PCDH15: variants seen among roughly 807,000 people sequenced by gnomAD.
PCDH15 encodes protocadherin related 15, also known as protocadherin-15.
In PCDH15, 129 loss-of-function variants were observed where a neutral mutation model predicts 178.5. The observed-to-expected ratio is 0.72, with a 90% CI of 0.63 to 0.84. PCDH15 has a LOEUF of 0.84. Ranked by LOEUF, PCDH15 falls within the 40% of genes least tolerant of loss-of-function variation. The pLI, the probability that PCDH15 is intolerant of heterozygous loss-of-function variation, is 0.00. For synonymous variants in PCDH15, 800 were observed against 732.0 expected (o/e 1.09, Z -1.50); for missense variants, 2,230 against 2,099.9 (o/e 1.06, Z -1.21).
chr10:54,685,108 C>A (rs10763125), intron 1 of PCDH15, among the ~76,000 whole-genome samples: 78,144 of 151,554 alleles, frequency 0.52, 20,939 homozygotes, highest in Non-Finnish European at 0.6. Context: ...AGGCCTACAC[C>A]GGGTCAAGAT....
chr10:53,963,071 C>A (rs1285443197), intron 21 of PCDH15, among the ~76,000 whole-genome samples: 3 of 152,156 alleles, frequency 2.0e-5, no homozygotes, highest in South Asian at 2.1e-4. Flanking sequence ...AAGAACATTA[C>A]CCCCCACAGG....
intron 2 of PCDH15, among the ~76,000 whole-genome samples, chr10:55,446,311 G>GTA (rs144192137): frequency 0.059 from 8,848 of 149,114 alleles, 814 homozygotes; most frequent in African/African-American, 0.2. Flanking sequence ...ATAGATATGT[G>GTA]TATATATATA....
chr10:54,020,445 A>G (rs760473380), intron 19 of PCDH15, 29 bp from the exon 20 acceptor site: 1 of 1,599,218 alleles, frequency 6.3e-7, no homozygotes, highest in East Asian at 2.2e-5. Context: ...TAGTTTTATT[A>G]GTGACGTTAC....
chr10:55,541,279 G>A lies in PCDH15; in HGVS notation c.-156+86346C>T, dbSNP rs529532875. Reference sequence around the variant, plus strand: ...GAAAGAAAAAAAATAAAAGATCTAGGTATGTTGACTCTGGTGCCAACTATA... The same window carrying A: ...GAAAGAAAAAAAATAAAAGATCTAGATATGTTGACTCTGGTGCCAACTATA... On this transcript the variant is annotated intron_variant, in intron 2 of 5. Coordinates refer to the PCDH15 transcript ENST00000613346. 5.9e-5 allele frequency among the ~76,000 whole-genome samples: 9 copies of A among 152,030 alleles called. No homozygotes were observed. In the South Asian group the frequency reaches 1.9e-3, roughly 32 times the overall value.
intron 1 of PCDH15, among the ~76,000 whole-genome samples, chr10:54,689,576 T>C (rs2095078382): frequency 6.6e-6 from 1 of 152,212 alleles, no homozygotes; most frequent in Admixed American, 6.5e-5. Flanking sequence ...AGTGGATCAA[T>C]ATAACATATT....
At chr10:54,414,978 G>C (rs939881281) in intron 3 of PCDH15, among the ~76,000 whole-genome samples, 4 of 152,120 alleles carry the variant, frequency 2.6e-5, no homozygotes, top group South Asian at 2.1e-4. Flanking sequence ...GTAAGTATTT[G>C]CATCAATTGA....
At chr10:53,855,914 A>ATG (rs2078701150) in intron 28 of PCDH15, among the ~76,000 whole-genome samples, 1 of 138,878 alleles carries the variant, frequency 7.2e-6, no homozygotes, top group Admixed American at 7.4e-5. Flanking sequence ...GTATATATAT[A>ATG]TATATATGTA....
chr10:55,055,816 A>G (rs1030900081), intron 2 of PCDH15, among the ~76,000 whole-genome samples: 2 of 152,106 alleles, frequency 1.3e-5, no homozygotes, highest in Non-Finnish European at 2.9e-5. Flanking sequence ...CTCAAAAATC[A>G]ATAAATAAAA....
intron 2 of PCDH15, among the ~76,000 whole-genome samples, chr10:55,014,819 C>T (rs1454724553): frequency 6.6e-6 from 1 of 152,106 alleles, no homozygotes; most frequent in African/African-American, 2.4e-5. Context: ...ATTAGTCCTC[C>T]AAGCATCACA....
intron 2 of PCDH15, among the ~76,000 whole-genome samples, chr10:55,595,110 C>T (rs1842913545): frequency 6.6e-6 from 1 of 151,916 alleles, no homozygotes; most frequent in African/African-American, 2.4e-5. Context: ...ATTTTGTATG[C>T]TACGATAAGT....
chr10:54,416,811 G>C (rs1288255907), intron 3 of PCDH15, among the ~76,000 whole-genome samples: 1 of 152,134 alleles, frequency 6.6e-6, no homozygotes, highest in Non-Finnish European at 1.5e-5. Flanking sequence ...TTTAATAGTC[G>C]CTATTCTGAC....
At chr10:54,927,552 T>G (rs978157022) in intron 2 of PCDH15, among the ~76,000 whole-genome samples, 1 of 140,382 alleles carries the variant, frequency 7.1e-6, no homozygotes, top group African/African-American at 2.5e-5. Context: ...TCTTCTACTA[T>G]TATTGTGTGA....
rs2058756426 is a variant in PCDH15, at chr10:54,282,413, T to A, written c.876+34858A>T. On this transcript the variant is annotated intron_variant, in intron 8 of 37. Coordinates refer to ENST00000644397, the MANE Select transcript of PCDH15 (RefSeq NM_001384140.1). ...AGAGTGTTAGGACTTTACAACAGGT[T>A]CAAAATTTTAGAGATGAATTATAGC... Among the ~76,000 whole-genome samples the A allele has an allele frequency of 2.0e-5, 3 of 152,114 alleles. No individual in the cohort carries two copies. The South Asian group carries it at 6.2e-4, about 31-fold the overall frequency.
chr10:55,593,092 T>A (rs529800321), intron 2 of PCDH15, among the ~76,000 whole-genome samples: 1 of 152,060 alleles, frequency 6.6e-6, no homozygotes, highest in African/African-American at 2.4e-5. Context: ...AATGTCCAAC[T>A]TTATAATTGC....
At chr10:53,992,241 C>T (rs2091560802) in intron 21 of PCDH15, among the ~76,000 whole-genome samples, 2 of 152,094 alleles carry the variant, frequency 1.3e-5, no homozygotes, top group African/African-American at 4.8e-5. Context: ...ACGAACCCAC[C>T]AGAAGGAAGA....
At chr10:55,118,680 G>A (rs144563861) in intron 2 of PCDH15, among the ~76,000 whole-genome samples, 221 of 152,294 alleles carry the variant, frequency 1.5e-3, no homozygotes, top group Middle Eastern at 0.01. Context: ...TTGTAAAAAT[G>A]CAGATTCTGA....
intron 8 of PCDH15, among the ~76,000 whole-genome samples, chr10:54,297,503 G>T (rs944866364): frequency 3.3e-5 from 5 of 152,118 alleles, no homozygotes; most frequent in Non-Finnish European, 7.3e-5. Flanking sequence ...TGCAAAGCTT[G>T]CAATTTACAT....
intron 1 of PCDH15, among the ~76,000 whole-genome samples, chr10:55,182,729 A>G (rs1474180879): frequency 2.6e-5 from 4 of 152,026 alleles, no homozygotes; most frequent in African/African-American, 9.7e-5. Flanking sequence ...CACAAAGTCT[A>G]TGGAAAGAAA....
chr10:54,896,572 A>G (rs575780925), intron 3 of PCDH15, among the ~76,000 whole-genome samples: 2 of 151,560 alleles, frequency 1.3e-5, no homozygotes, highest in South Asian at 4.2e-4. Context: ...ATGAATGCCA[A>G]GTCATGCCAA....
Sources: gnomAD v4.1 joint callset for allele counts (sites outside exome capture counted in the v4.1 genomes callset) on GRCh38, gnomAD v4.1.1 for gene constraint, MANE v1.5 for transcripts, NCBI Gene and HGNC (gene_info 2026-07-23, HGNC 2026-07-21) for gene names.